Variants in HS3ST4 observed in about 807,000 individuals in gnomAD.
HS3ST4 encodes the protein heparan sulfate glucosamine 3-O-sulfotransferase 4.
HS3ST4 carries 17 observed loss-of-function variants against 29.2 expected under a neutral mutation model. That is an observed-to-expected ratio of 0.58 (90% CI 0.40 to 0.87). The LOEUF (loss-of-function observed/expected upper bound fraction) is 0.87. HS3ST4 is among the 40% of genes least tolerant of loss of function. The pLI is 0.00. For missense variants in HS3ST4, 627 were observed against 634.5 expected, an observed-to-expected ratio of 0.99 and a Z score of 0.13; for synonymous variants, 314 against 285.7, an observed-to-expected ratio of 1.10 and a Z score of -1.00.
intron 1 of HS3ST4, among the ~76,000 whole-genome samples, chr16:26,077,275 T>C (rs1898674062): frequency 6.6e-6 from 1 of 152,236 alleles, no homozygotes; most frequent in Non-Finnish European, 1.5e-5. Context: ...CTACATTCTA[T>C]TGGTCATGTT....
At chr16:25,900,841 C>T (rs532606482) in intron 1 of HS3ST4, among the ~76,000 whole-genome samples, 1 of 152,078 alleles carries the variant, frequency 6.6e-6, no homozygotes, top group African/African-American at 2.4e-5. Flanking sequence ...TCCCACTATA[C>T]CCTGCAAAAT....
At chr16:26,117,354 G>A (rs963778992) in intron 1 of HS3ST4, among the ~76,000 whole-genome samples, 1 of 152,210 alleles carries the variant, frequency 6.6e-6, no homozygotes, top group Non-Finnish European at 1.5e-5. Flanking sequence ...GGAAGAGACA[G>A]GCTGAACCCT....
At chr16:26,113,121 G>A (rs1899154186) in intron 1 of HS3ST4, among the ~76,000 whole-genome samples, 1 of 152,100 alleles carries the variant, frequency 6.6e-6, no homozygotes, top group Non-Finnish European at 1.5e-5. Flanking sequence ...AAATGGATGG[G>A]CACACAAGAA....
intron 1 of HS3ST4, among the ~76,000 whole-genome samples, chr16:25,818,853 G>A (rs1262743715): frequency 2.0e-5 from 3 of 151,700 alleles, no homozygotes; most frequent in Non-Finnish European, 4.4e-5. Flanking sequence ...GATGTTCTCA[G>A]TAGTGGTGAT....
intron 1 of HS3ST4, among the ~76,000 whole-genome samples, chr16:25,916,934 C>T (rs1003329851): frequency 1.3e-5 from 2 of 152,004 alleles, no homozygotes; most frequent in African/African-American, 4.8e-5. Context: ...CCGTCTCGGC[C>T]TCTCAAAGTG....
intron 1 of HS3ST4, among the ~76,000 whole-genome samples, chr16:25,750,278 CTCCAAAATTTA>C (rs1966710698): frequency 6.6e-6 from 1 of 152,166 alleles, no homozygotes. Flanking sequence ...CAGCTCAGAG[CTCCAAAATTTA>C]ATGTTCTAGT....
intron 1 of HS3ST4, among the ~76,000 whole-genome samples, chr16:25,961,805 AC>A (rs1416509099): frequency 3.0e-4 from 33 of 110,892 alleles, no homozygotes; most frequent in African/African-American, 1.3e-3. Context: ...AAAGAGTTGG[AC>A]AAAAAAAAAT....
intron 1 of HS3ST4, among the ~76,000 whole-genome samples, chr16:26,034,542 C>T (rs952654274): frequency 6.6e-6 from 1 of 152,092 alleles, no homozygotes; most frequent in Admixed American, 6.5e-5. Context: ...CCATTTTCCC[C>T]ATTCTACATG....
At chr16:26,005,733 A>G (rs75114970) in intron 1 of HS3ST4, among the ~76,000 whole-genome samples, 3 of 126,626 alleles carry the variant, frequency 2.4e-5, no homozygotes, top group East Asian at 2.1e-4. Flanking sequence ...TTACTGTGTG[A>G]AAAAAAAAAA....
intron 1 of HS3ST4, among the ~76,000 whole-genome samples, chr16:25,994,257 A>T (rs1048798377): frequency 6.6e-6 from 1 of 151,996 alleles, no homozygotes; most frequent in Non-Finnish European, 1.5e-5. Flanking sequence ...CAGCTTTATA[A>T]TACGTTTTTC....
At chr16:25,740,054 A>C (rs1475023584) in intron 1 of HS3ST4, among the ~76,000 whole-genome samples, 1 of 151,032 alleles carries the variant, frequency 6.6e-6, no homozygotes, top group African/African-American at 2.4e-5. Context: ...AAGGATTCTG[A>C]CTTGGTATGC....
chr16:25,708,099 G>A (rs1349351780), intron 1 of HS3ST4, among the ~76,000 whole-genome samples: 1 of 152,126 alleles, frequency 6.6e-6, no homozygotes, highest in Non-Finnish European at 1.5e-5. Context: ...ACCACAAAAT[G>A]ACCTTAATGT....
rs926432378 is a variant in HS3ST4, at chr16:26,124,215, C to T, written c.735-11397C>T. Among the ~76,000 whole-genome samples, 3 of 152,186 alleles carry T rather than the reference C, an allele frequency of 2.0e-5. 1 individual carries two copies. The highest frequency in any genetic ancestry group is 7.2e-5 in the African/African-American group (3 of 41,448). On this transcript the variant is annotated intron_variant, in intron 1 of 1. Transcript: ENST00000331351. ...GATTACAGGCATGAGCCACTGCACCCAGCCCAAAAACTTTTTAAGGGCAAG... is the reference window on the plus strand; with the variant it reads ...GATTACAGGCATGAGCCACTGCACCTAGCCCAAAAACTTTTTAAGGGCAAG...
rs1181649882 is a variant in HS3ST4, at chr16:25,692,337, CGGG to C, written c.-78_-76del. 6.3e-5 allele frequency: 8 copies of C among 127,936 alleles called. No homozygotes were observed. The highest frequency in any genetic ancestry group is 1.1e-4 in the Non-Finnish European group (7 of 64,782). The allele number at this position is 127,936 out of a possible 1,614,324, so 7.9% of individuals were successfully genotyped here. A position where few individuals can be genotyped will look rare whatever the true frequency, so the allele number is the denominator to read the frequency against. On this transcript the variant is annotated 5_prime_UTR_variant, in exon 1 of 2. Coordinates refer to ENST00000331351, the MANE Select transcript of HS3ST4 (RefSeq NM_006040.3). ...GCGGCGGCGGCGGCGGCGGCGGCGG[CGGG>C]GGCGGCGGCTGAAACCATGTCCGGG...
At chr16:25,865,284 C>A (rs1356242008) in intron 1 of HS3ST4, among the ~76,000 whole-genome samples, 5 of 152,136 alleles carry the variant, frequency 3.3e-5, no homozygotes, top group Non-Finnish European at 7.4e-5. Flanking sequence ...CACAGGGTTC[C>A]CTTTTCTTCA....
rs113828240 is a variant in HS3ST4 at position 26,036,136 on chromosome 16, A to G, written c.735-99476A>G. ...AGCAAGAGACTGGGAGGCCAGGTAA[A>G]GTTATAGTTATAGAAAAGCTACAAC... On this transcript the variant is annotated intron_variant, in intron 1 of 1. Coordinates refer to ENST00000331351, the MANE Select transcript of HS3ST4 (RefSeq NM_006040.3). Among the ~76,000 whole-genome samples, 396 of 152,376 alleles carry G rather than the reference A, an allele frequency of 2.6e-3. 2 individuals carry two copies. Among genetic ancestry groups the G allele is most frequent in the African/African-American group, 9.2e-3 (383 of 41,600 alleles).
At chr16:26,011,898 T>C (rs1969314739) in intron 1 of HS3ST4, among the ~76,000 whole-genome samples, 1 of 152,148 alleles carries the variant, frequency 6.6e-6, no homozygotes, top group Admixed American at 6.5e-5. Context: ...CTACAGATTG[T>C]AGGCTTGCCT....
At chr16:25,895,123 G>C (rs1247501874) in intron 1 of HS3ST4, among the ~76,000 whole-genome samples, 1 of 144,614 alleles carries the variant, frequency 6.9e-6, no homozygotes, top group African/African-American at 2.6e-5. Flanking sequence ...AGAGGGAAGG[G>C]TAGATGGGTG....
chr16:26,076,126 G>C (rs1596672465), intron 1 of HS3ST4, among the ~76,000 whole-genome samples: 1 of 152,148 alleles, frequency 6.6e-6, no homozygotes, highest in Non-Finnish European at 1.5e-5. Context: ...TCTATGGCTT[G>C]AGCATACAAG....
Sources: gnomAD v4.1 joint callset for allele counts (sites outside exome capture counted in the v4.1 genomes callset) on GRCh38, gnomAD v4.1.1 for gene constraint, MANE v1.5 for transcripts, NCBI Gene and HGNC (gene_info 2026-07-23, HGNC 2026-07-21) for gene names.